GALNT18: variants seen among roughly 807,000 people sequenced by gnomAD.
GALNT18 encodes the protein GalNAc-transferase 18.
In GALNT18, 44 loss-of-function variants were observed where a neutral mutation model predicts 69.5. The observed-to-expected ratio is 0.63, with a 90% CI of 0.50 to 0.81. The LOEUF is 0.81. Among genes scored for constraint, GALNT18 ranks in the 40% least tolerant of loss-of-function variants. The pLI is 0.00. For missense variants in GALNT18, 715 were observed against 810.0 expected, an observed-to-expected ratio of 0.88 and a Z score of 1.42; for synonymous variants, 364 against 318.2, an observed-to-expected ratio of 1.14 and a Z score of -1.53.
chr11:11,350,073 G>A (rs1286898392), intron 6 of GALNT18, among the ~76,000 whole-genome samples: 1 of 152,226 alleles, frequency 6.6e-6, no homozygotes, highest in Non-Finnish European at 1.5e-5. Context: ...GGATTCATTG[G>A]GCAGAATTCC....
At chr11:11,304,036 T>C (rs1849538472) in intron 9 of GALNT18, among the ~76,000 whole-genome samples, 1 of 152,196 alleles carries the variant, frequency 6.6e-6, no homozygotes, top group South Asian at 2.1e-4. Flanking sequence ...TGACCATCAG[T>C]GAGAATGGAG....
At chr11:11,519,205 C>A (rs528621739) in intron 1 of GALNT18, among the ~76,000 whole-genome samples, 3 of 152,128 alleles carry the variant, frequency 2.0e-5, no homozygotes, top group Admixed American at 2.0e-4. Context: ...TCTGTCAGGG[C>A]CCCAGCATGA....
At chr11:11,493,749 G>GGC in intron 1 of GALNT18, among the ~76,000 whole-genome samples, 1 of 151,764 alleles carries the variant, frequency 6.6e-6, no homozygotes, top group East Asian at 1.9e-4. Context: ...GGAAAGTCGT[G>GGC]TTTCTGCTCT....
Position 11,496,599 on chromosome 11 carries a change from G to A in GALNT18, c.236-47663C>T, listed in dbSNP as rs139397309. On this transcript the variant is annotated intron_variant, in intron 1 of 10. Coordinates refer to ENST00000227756, the MANE Select transcript of GALNT18 (RefSeq NM_198516.3). The surrounding 1 kb of genome is among the most constrained non-coding windows in gnomAD (Gnocchi z 4.0). ...AGGTTCTAATCAACATCACAGAGAAGTAGATGAAGGGCTACCACACAGAGG... is the reference window on the plus strand; with the variant it reads ...AGGTTCTAATCAACATCACAGAGAAATAGATGAAGGGCTACCACACAGAGG... Among the ~76,000 whole-genome samples, 2 of 152,296 alleles carry A rather than the reference G, an allele frequency of 1.3e-5. No homozygotes were observed. Among genetic ancestry groups the A allele is most frequent in the East Asian group, 3.9e-4 (2 of 5,182 alleles).
intron 10 of GALNT18, among the ~76,000 whole-genome samples, chr11:11,289,754 T>C (rs903333029): frequency 1.3e-5 from 2 of 152,162 alleles, no homozygotes; most frequent in African/African-American, 2.4e-5. Flanking sequence ...TAGAAGTGTC[T>C]GGGTGCAGGT....
At chr11:11,579,876 T>A (rs1306668506) in intron 1 of GALNT18, among the ~76,000 whole-genome samples, 1 of 152,138 alleles carries the variant, frequency 6.6e-6, no homozygotes, top group African/African-American at 2.4e-5. Context: ...GGCTTGAACA[T>A]TCTGTAGTCA....
chr11:11,615,278 G>T (rs1273252339), intron 1 of GALNT18, among the ~76,000 whole-genome samples: 1 of 152,170 alleles, frequency 6.6e-6, no homozygotes, highest in Non-Finnish European at 1.5e-5. Flanking sequence ...CAGGACATCT[G>T]CTGATTCTTA....
chr11:11,279,044 C>T (rs926687375), intron 10 of GALNT18, among the ~76,000 whole-genome samples: 4 of 152,294 alleles, frequency 2.6e-5, no homozygotes, highest in Admixed American at 1.3e-4. Context: ...GCAGGTGGGG[C>T]CGGATCCCTC....
At chr11:11,399,680 A>G (rs908447204) in intron 3 of GALNT18, among the ~76,000 whole-genome samples, 7 of 152,302 alleles carry the variant, frequency 4.6e-5, no homozygotes, top group African/African-American at 1.4e-4. Flanking sequence ...CTTACAACAT[A>G]TGCACTTGGG....
chr11:11,322,864 T>A (rs771912021), intron 9 of GALNT18, among the ~76,000 whole-genome samples: 2 of 152,212 alleles, frequency 1.3e-5, no homozygotes, highest in Non-Finnish European at 2.9e-5. Context: ...TAGTTTCTGC[T>A]TAGGAACTAC....
intron 1 of GALNT18, among the ~76,000 whole-genome samples, chr11:11,561,958 G>T (rs1339594032): frequency 6.6e-6 from 1 of 152,222 alleles, no homozygotes; most frequent in Non-Finnish European, 1.5e-5. Flanking sequence ...GCTCACAGGG[G>T]TGAAGGGACC....
chr11:11,344,523 A>C (rs1850266867), intron 6 of GALNT18, among the ~76,000 whole-genome samples: 1 of 152,220 alleles, frequency 6.6e-6, no homozygotes, highest in Admixed American at 6.5e-5. Context: ...TGGTGCTCAA[A>C]AGAGATCCTG....
intron 3 of GALNT18, among the ~76,000 whole-genome samples, chr11:11,403,072 A>G (rs1324010526): frequency 2.0e-5 from 3 of 152,236 alleles, no homozygotes; most frequent in Non-Finnish European, 4.4e-5. Flanking sequence ...GAGGACACAG[A>G]CAGGGAACAA....
intron 2 of GALNT18, among the ~76,000 whole-genome samples, chr11:11,433,578 C>T (rs1321896963): frequency 6.6e-6 from 1 of 152,232 alleles, no homozygotes; most frequent in Non-Finnish European, 1.5e-5. Flanking sequence ...CTTAGCTCTG[C>T]TGAAATCCTG....
Position 11,309,233 on chromosome 11 carries a change from C to T in GALNT18, c.1513-16040G>A, listed in dbSNP as rs1639393632. ...AAGAAGGCCCTCACCGGATGCTGGC[C>T]CCTTGATATTGGCCTTCCCAGCTTC... On this transcript the variant is annotated intron_variant, in intron 9 of 10. Coordinates refer to ENST00000227756, the MANE Select transcript of GALNT18 (RefSeq NM_198516.3). This position sits in a 1 kb window ranked among gnomAD's most constrained non-coding sequence, Gnocchi z 4.6. Among the ~76,000 whole-genome samples, 1 of 152,076 alleles carries T rather than the reference C, an allele frequency of 6.6e-6. No individual in the cohort carries two copies. Among genetic ancestry groups the T allele is most frequent in the South Asian group, 2.1e-4 (1 of 4,818 alleles).
chr11:11,438,778 C>A (rs1310045769), intron 2 of GALNT18, among the ~76,000 whole-genome samples: 1 of 152,184 alleles, frequency 6.6e-6, no homozygotes, highest in Non-Finnish European at 1.5e-5. Context: ...GCTGCCAAAT[C>A]TGCATGAAGA....
chr11:11,541,097 C>T lies in GALNT18; in HGVS notation c.235+80262G>A, dbSNP rs1417101149. On this transcript the variant is annotated intron_variant, in intron 1 of 10. Coordinates refer to ENST00000227756, the MANE Select transcript of GALNT18 (RefSeq NM_198516.3). The surrounding 1 kb of genome is among the most constrained non-coding windows in gnomAD (Gnocchi z 4.8). ...CCCTGCATGTCCCACATCCACTTCTCAGACCATAGTGTTCCCCACTGGCTG... is the reference window on the plus strand; with the variant it reads ...CCCTGCATGTCCCACATCCACTTCTTAGACCATAGTGTTCCCCACTGGCTG... 1.3e-5 allele frequency among the ~76,000 whole-genome samples: 2 copies of T among 152,212 alleles called. No individual in the cohort carries two copies. The highest frequency in any genetic ancestry group is 1.9e-4 in the East Asian group (1 of 5,196).
chr11:11,420,283 T>C (rs1854972552), intron 3 of GALNT18, among the ~76,000 whole-genome samples: 1 of 152,134 alleles, frequency 6.6e-6, no homozygotes, highest in Non-Finnish European at 1.5e-5. Context: ...CCCCAACTCC[T>C]AGTGCTGTCT....
In GALNT18 at chr11:11,315,738, A is replaced by G. The variant is rs1334586765; in HGVS notation, c.1512+11348T>C. ...ATTATGAACCTAACAGGTTAGAAAG[A>G]TCAGATCACTTGCCCCCGTCATACA... On this transcript the variant is annotated intron_variant, in intron 9 of 10. Transcript: ENST00000227756. The surrounding 1 kb of genome is among the most constrained non-coding windows in gnomAD (Gnocchi z 5.6). Among the ~76,000 whole-genome samples the G allele has an allele frequency of 6.6e-6, 1 of 152,144 alleles. No individual in the cohort carries two copies. Among genetic ancestry groups the G allele is most frequent in the Non-Finnish European group, 1.5e-5 (1 of 68,042 alleles).
Sources: gnomAD v4.1 joint callset for allele counts (sites outside exome capture counted in the v4.1 genomes callset) on GRCh38, gnomAD v4.1.1 for gene constraint, Gnocchi (gnomAD v3.1) non-coding constraint, MANE v1.5 for transcripts, NCBI Gene and HGNC (gene_info 2026-07-23, HGNC 2026-07-21) for gene names.